Variants in RAP1GDS1 observed in about 807,000 individuals in gnomAD.
RAP1GDS1 encodes the protein RAP1, GTP-GDP dissociation stimulator 1.
RAP1GDS1 carries 35 observed loss-of-function variants against 71.1 expected under a neutral mutation model. The observed-to-expected ratio is 0.49, with a 90% CI of 0.38 to 0.65. The LOEUF (loss-of-function observed/expected upper bound fraction) is 0.65. Ranked by LOEUF, RAP1GDS1 falls within the 30% of genes least tolerant of loss-of-function variation. The probability of loss-of-function intolerance (pLI) is 0.00; values close to 1 mark genes in which losing one functional copy is unlikely to be tolerated. For synonymous variants in RAP1GDS1, 229 were observed against 243.1 expected, an observed-to-expected ratio of 0.94 and a Z score of 0.54; for missense variants, 663 against 706.1, an observed-to-expected ratio of 0.94 and a Z score of 0.69.
chr4:98,331,881 CT>C (rs951710408), intron 2 of RAP1GDS1, among the ~76,000 whole-genome samples: 18 of 152,110 alleles, frequency 1.2e-4, no homozygotes, highest in Non-Finnish European at 2.5e-4. Context: ...TGAAATCAGT[CT>C]TTTTTATTAT....
chr4:98,266,802 CTTT>C (rs1314517438), intron 1 of RAP1GDS1, among the ~76,000 whole-genome samples: 1 of 152,080 alleles, frequency 6.6e-6, no homozygotes, highest in Non-Finnish European at 1.5e-5. Flanking sequence ...AGCCTTAACT[CTTT>C]TTAAGAACCA....
chr4:98,307,431 A>G (rs900462289), intron 2 of RAP1GDS1, among the ~76,000 whole-genome samples: 4 of 152,100 alleles, frequency 2.6e-5, no homozygotes, highest in African/African-American at 4.8e-5. Flanking sequence ...GAAAAATCCT[A>G]TTGGAATTGT....
intron 4 of RAP1GDS1, among the ~76,000 whole-genome samples, chr4:98,375,357 A>G (rs1454106724): frequency 6.6e-6 from 1 of 152,142 alleles, no homozygotes; most frequent in East Asian, 1.9e-4. Flanking sequence ...AACTAATTAT[A>G]TCTACAATGA....
Position 98,313,998 on chromosome 4 carries a change from T to G in RAP1GDS1, c.112+20483T>G, listed in dbSNP as rs1055381472. The stretch of plus-strand genomic sequence containing the variant: ...ATAGTCTAGATTTTAGCACACAATG[T>G]TCTGTGAGGTGAGTCCATTTTAGAT... On this transcript the variant is annotated intron_variant, in intron 2 of 14. Coordinates refer to ENST00000408927, the MANE Select transcript of RAP1GDS1 (RefSeq NM_001100427.2). 3.0e-4 allele frequency among the ~76,000 whole-genome samples: 45 copies of G among 152,320 alleles called. 1 individual carries two copies. The highest frequency in any genetic ancestry group is 3.1e-4 in the Non-Finnish European group (21 of 68,024).
chr4:98,298,755 C>T (rs776128303), intron 2 of RAP1GDS1, among the ~76,000 whole-genome samples: 11 of 152,044 alleles, frequency 7.2e-5, no homozygotes, highest in African/African-American at 1.2e-4. Context: ...GGAATAATTT[C>T]GAAGCCTTAT....
chr4:98,390,312 GAA>G (rs906785495), intron 5 of RAP1GDS1, among the ~76,000 whole-genome samples: 1 of 151,966 alleles, frequency 6.6e-6, no homozygotes, highest in African/African-American at 2.4e-5. Flanking sequence ...TTCATATTCA[GAA>G]AAAAATTTAA....
intron 3 of RAP1GDS1, among the ~76,000 whole-genome samples, chr4:98,351,241 A>AAGAC (rs1436240538): frequency 6.6e-6 from 1 of 152,224 alleles, no homozygotes; most frequent in Non-Finnish European, 1.5e-5. Flanking sequence ...TCTGAGTCTT[A>AAGAC]GAAGTTTACA....
intron 4 of RAP1GDS1, among the ~76,000 whole-genome samples, chr4:98,372,041 C>G (rs924992734): frequency 6.6e-6 from 1 of 152,046 alleles, no homozygotes; most frequent in Non-Finnish European, 1.5e-5. Flanking sequence ...CCCACAAAGG[C>G]GGGTTTATTT....
chr4:98,363,032 A>G (rs1006052091), intron 4 of RAP1GDS1, among the ~76,000 whole-genome samples: 1 of 152,190 alleles, frequency 6.6e-6, no homozygotes, highest in African/African-American at 2.4e-5. Context: ...AAAGATATTT[A>G]TAGATTGTGA....
chr4:98,441,986 C>G lies in RAP1GDS1; in HGVS notation c.1697-4C>G. ...ATCATATCTGTTATTTTTTTGTCTT[C>G]CAGAATGTCTACACAAGGAAGTACA... On this transcript the variant is annotated splice_polypyrimidine_tract_variant and splice_region_variant and intron_variant, in intron 14 of 14. Coordinates refer to ENST00000408927, the MANE Select transcript of RAP1GDS1 (RefSeq NM_001100427.2). The G allele has an allele frequency of 1.9e-6, 3 of 1,612,914 alleles. No homozygotes were observed. The highest frequency in any genetic ancestry group is 2.2e-5 in the South Asian group (2 of 90,972).
At chr4:98,356,480 A>G (rs1039286625) in intron 4 of RAP1GDS1, among the ~76,000 whole-genome samples, 1 of 152,094 alleles carries the variant, frequency 6.6e-6, no homozygotes, top group Non-Finnish European at 1.5e-5. Context: ...TGTTTTGTGG[A>G]TATTACTGCC....
At chr4:98,275,733 A>G (rs1312900803) in intron 1 of RAP1GDS1, among the ~76,000 whole-genome samples, 2 of 152,060 alleles carry the variant, frequency 1.3e-5, no homozygotes, top group Non-Finnish European at 2.9e-5. Flanking sequence ...TTCCCTATCT[A>G]AGTGAATGAT....
intron 1 of RAP1GDS1, among the ~76,000 whole-genome samples, chr4:98,282,291 G>T (rs1249926343): frequency 1.3e-5 from 2 of 152,162 alleles, no homozygotes; most frequent in Non-Finnish European, 2.9e-5. Context: ...TTCAGAACCT[G>T]TTATTGGTCT....
At chr4:98,364,031 G>A (rs530042261) in intron 4 of RAP1GDS1, among the ~76,000 whole-genome samples, 3 of 152,130 alleles carry the variant, frequency 2.0e-5, no homozygotes, top group South Asian at 2.1e-4. Context: ...GGGTTTTTCC[G>A]TCATTGCTGC....
At chr4:98,321,529 G>A (rs879617456) in intron 2 of RAP1GDS1, among the ~76,000 whole-genome samples, 21 of 146,898 alleles carry the variant, frequency 1.4e-4, no homozygotes, top group Non-Finnish European at 7.5e-5. Context: ...GAGAAAGGTC[G>A]GGTTACCCTC....
intron 2 of RAP1GDS1, among the ~76,000 whole-genome samples, chr4:98,333,664 T>C (rs1002290353): frequency 5.9e-5 from 9 of 152,176 alleles, no homozygotes; most frequent in African/African-American, 1.9e-4. Context: ...CTGCCTACAT[T>C]TACCTGGTTT....
intron 2 of RAP1GDS1, among the ~76,000 whole-genome samples, chr4:98,320,140 A>C (rs1731585616): frequency 6.6e-6 from 1 of 152,194 alleles, no homozygotes; most frequent in South Asian, 2.1e-4. Flanking sequence ...AATATGTGTT[A>C]ATTGTTATGG....
intron 7 of RAP1GDS1, among the ~76,000 whole-genome samples, chr4:98,416,218 A>G (rs1400256124): frequency 6.6e-6 from 1 of 152,108 alleles, no homozygotes; most frequent in African/African-American, 2.4e-5. Flanking sequence ...AAATTTGGCA[A>G]TTTCAAATGG....
In RAP1GDS1 at chr4:98,416,752, T is replaced by G; in HGVS notation, c.771T>G (p.Ile257Met). 3 of 1,601,194 alleles carry G rather than the reference T, an allele frequency of 1.9e-6. No homozygotes were observed. Among genetic ancestry groups the G allele is most frequent in the South Asian group, 2.2e-5 (2 of 90,566 alleles). Residue 257 changes from isoleucine to methionine, a missense_variant, in exon 8 of 15, where the codon ATT becomes ATG. Ile to Met is a conservative substitution (Grantham distance 10). Transcript: ENST00000408927. Reference protein sequence around the residue: ...VLAPLAENDAIKLQLVEAGLV... With the variant: ...VLAPLAENDAMKLQLVEAGLV... ...GTTCACGTTGTTCTTTAGATGCTATTAAACTACAGCTGGTTGAAGCAGGCC... is the reference window on the plus strand; with the variant it reads ...GTTCACGTTGTTCTTTAGATGCTATGAAACTACAGCTGGTTGAAGCAGGCC...
Sources: gnomAD v4.1 joint callset for allele counts (sites outside exome capture counted in the v4.1 genomes callset) on GRCh38, gnomAD v4.1.1 for gene constraint, MANE v1.5 for transcripts, NCBI Gene and HGNC (gene_info 2026-07-23, HGNC 2026-07-21) for gene names.